The following ALMS1 variants were observed in gnomAD, a reference collection of about 807,000 sequenced individuals.
ALMS1 encodes the protein ALMS1 centrosome and basal body associated protein, also known as centrosome-associated protein ALMS1.
A neutral mutation model predicts 352.2 loss-of-function variants in ALMS1; 271 were observed. The observed-to-expected ratio is 0.77, with a 90% CI of 0.70 to 0.85. The LOEUF is 0.85. ALMS1 is among the 40% of genes least tolerant of loss of function. The pLI is 0.00. For missense variants in ALMS1, 5,445 were observed against 4,870.7 expected (o/e 1.12, Z -3.51); for synonymous variants, 1,865 against 1,761.2 (o/e 1.06, Z -1.48).
At chr2:73,598,178 C>T in intron 16 of ALMS1, among the ~76,000 whole-genome samples, 1 of 152,068 alleles carries the variant, frequency 6.6e-6, no homozygotes, top group East Asian at 1.9e-4. Flanking sequence ...TCCATCTTGC[C>T]CTCAAAGATG....
At chr2:73,607,431 C>G (rs761622766) in intron 21 of ALMS1, among the ~76,000 whole-genome samples, 4 of 152,130 alleles carry the variant, frequency 2.6e-5, no homozygotes, top group Non-Finnish European at 4.4e-5. Flanking sequence ...CCAACCCCTG[C>G]TAGAACAGAT....
intron 9 of ALMS1, among the ~76,000 whole-genome samples, chr2:73,460,328 G>C (rs1353125750): frequency 3.9e-5 from 6 of 152,046 alleles, no homozygotes; most frequent in Admixed American, 1.3e-4. Flanking sequence ...GATACCTTCA[G>C]TGTGCTGAAA....
intron 9 of ALMS1, among the ~76,000 whole-genome samples, chr2:73,481,685 G>A (rs370555212): frequency 1.9e-4 from 29 of 150,954 alleles, no homozygotes; most frequent in Admixed American, 2.7e-4. Context: ...CCATTTTCAC[G>A]ATATTGATTC....
chr2:73,473,275 T>C (rs1390067917), intron 9 of ALMS1, among the ~76,000 whole-genome samples: 1 of 151,876 alleles, frequency 6.6e-6, no homozygotes, highest in Non-Finnish European at 1.5e-5. Flanking sequence ...TCCTATTACC[T>C]TTTTTCTTTC....
intron 11 of ALMS1, among the ~76,000 whole-genome samples, chr2:73,533,708 G>T (rs1327977885): frequency 6.6e-6 from 1 of 151,972 alleles, no homozygotes; most frequent in Non-Finnish European, 1.5e-5. Flanking sequence ...AGAAAAACTA[G>T]TATATAGAAA....
intron 10 of ALMS1, among the ~76,000 whole-genome samples, chr2:73,504,039 TTTTTTC>T (rs1229697620): frequency 2.6e-5 from 4 of 152,194 alleles, no homozygotes; most frequent in Admixed American, 6.5e-5. Context: ...AATTTCTACC[TTTTTTC>T]TTTTTAACTT....
At chr2:73,539,488 G>T (rs553124616) in intron 12 of ALMS1, among the ~76,000 whole-genome samples, 1 of 152,168 alleles carries the variant, frequency 6.6e-6, no homozygotes, top group South Asian at 2.1e-4. Context: ...CCAAAGGAAC[G>T]TAGCTCCTCA....
Position 73,455,053 on chromosome 2 carries a change from G to A in ALMS1, c.7541-109G>A. 4 of 1,197,952 alleles carry A rather than the reference G, an allele frequency of 3.3e-6. No homozygotes were observed. The South Asian group carries it at 3.7e-5, about 11-fold the overall frequency. The allele number at this position is 1,197,952 out of a possible 1,614,324, so 74.2% of individuals were successfully genotyped here. A position where few individuals can be genotyped will look rare whatever the true frequency, so the allele number is the denominator to read the frequency against. ...CATAATTGAGAAGAAGACATACTAA[G>A]CATTGCAGTGGGTATTAAATTGCAT... On this transcript the variant is annotated intron_variant, in intron 8 of 22. Transcript: ENST00000613296.
At chr2:73,506,897 T>C (rs1223087325) in intron 10 of ALMS1, among the ~76,000 whole-genome samples, 1 of 152,248 alleles carries the variant, frequency 6.6e-6, no homozygotes, top group African/African-American at 2.4e-5. Context: ...CCATTCAGTA[T>C]GATATTGGCT....
At chr2:73,512,638 T>C (rs1318285978) in intron 10 of ALMS1, among the ~76,000 whole-genome samples, 2 of 152,186 alleles carry the variant, frequency 1.3e-5, no homozygotes, top group African/African-American at 2.4e-5. Context: ...AATTTTTACA[T>C]TGTACAAAAC....
chr2:73,443,697 G>A (rs1671759139), intron 7 of ALMS1, among the ~76,000 whole-genome samples: 1 of 152,088 alleles, frequency 6.6e-6, no homozygotes, highest in Non-Finnish European at 1.5e-5. Context: ...ATAAATATCT[G>A]TTGAATGACT....
chr2:73,538,428 A>G (rs1425979883), intron 12 of ALMS1, among the ~76,000 whole-genome samples: 1 of 152,188 alleles, frequency 6.6e-6, no homozygotes, highest in African/African-American at 2.4e-5. Flanking sequence ...CCGAATAGGA[A>G]GAGCTCCAGT....
intron 10 of ALMS1, among the ~76,000 whole-genome samples, chr2:73,493,100 A>C (rs1286238406): frequency 6.6e-6 from 1 of 152,182 alleles, no homozygotes; most frequent in Non-Finnish European, 1.5e-5. Flanking sequence ...GAATGAGAAG[A>C]AAGTAATAGA....
chr2:73,573,397 T>G lies in ALMS1; in HGVS notation c.11520T>G (p.Ser3840=). 1 of 1,614,080 alleles carries G rather than the reference T, an allele frequency of 6.2e-7. No individual in the cohort carries two copies. Among genetic ancestry groups the G allele is most frequent in the Non-Finnish European group, 8.5e-7 (1 of 1,180,002 alleles). The change falls in exon 16 of 23, where the codon TCT becomes TCG. Residue 3840 remains serine, a synonymous_variant. Coordinates refer to ENST00000613296, the MANE Select transcript of ALMS1 (RefSeq NM_001378454.1). ...ATACAGGTCATCCCCTAGTGACTTC[T>G]GAGCACACCAGAAGGAGACACATCC... ...VLNTGHPLVT[S]EHTRRRHIQV...
Position 73,448,659 on chromosome 2 carries a change from TACTCTCTACTCCCC to T in ALMS1, c.2137_2150del (p.Ser713ThrfsTer2). The T allele has an allele frequency of 6.2e-7, 1 of 1,613,832 alleles. No homozygotes were observed. The highest frequency in any genetic ancestry group is 8.5e-7 in the Non-Finnish European group (1 of 1,179,892). On this transcript the variant is annotated frameshift_variant, in exon 8 of 23. Transcript: ENST00000613296. LOFTEE classifies it high-confidence loss of function. The stretch of plus-strand genomic sequence containing the variant: ...GACCAGAAGACTGGGACAGCAACAG[TACTCTCTACTCCCC>T]ACTCACATAGAGAGAAGCCTGGTAT...
At chr2:73,506,925 A>G (rs1673339873) in intron 10 of ALMS1, among the ~76,000 whole-genome samples, 1 of 152,186 alleles carries the variant, frequency 6.6e-6, no homozygotes, top group African/African-American at 2.4e-5. Flanking sequence ...TGTCACAAAT[A>G]GCTCTTATTT....
At chr2:73,550,542 C>T in intron 13 of ALMS1, 105 bp downstream of exon 13, 1 of 1,426,992 alleles carries the variant, frequency 7.0e-7, no homozygotes, top group Non-Finnish European at 9.7e-7. Flanking sequence ...GTTATACAAG[C>T]TTTTCTCCTT....
intron 9 of ALMS1, among the ~76,000 whole-genome samples, chr2:73,483,502 C>T (rs1672759113): frequency 6.6e-6 from 1 of 151,584 alleles, no homozygotes; most frequent in South Asian, 2.1e-4. Context: ...AGTATGTGGT[C>T]AATTTTGGAA....
Position 73,573,010 on chromosome 2 carries a change from T to G in ALMS1, c.11133T>G (p.Ile3711Met). 2.5e-6 allele frequency: 4 copies of G among 1,614,050 alleles called. No homozygotes were observed. The highest frequency in any genetic ancestry group is 2.5e-6 in the Non-Finnish European group (3 of 1,179,986). ...CTGGGAGGTCTAATCAAATTAAAAT[T>G]GAACAGATTAAATTTGATAAATATA... The part of the protein sequence containing the change: ...HRAGRSNQIK[I>M]EQIKFDKYIL... Residue 3711 changes from isoleucine to methionine, a missense_variant, in exon 16 of 23, where the codon ATT (isoleucine) becomes ATG (methionine). By Grantham distance (10) the Ile-to-Met change is conservative (BLOSUM62 1). Coordinates refer to ENST00000613296, the MANE Select transcript of ALMS1 (RefSeq NM_001378454.1).
Sources: allele counts gnomAD v4.1 joint callset (sites outside exome capture counted in the v4.1 genomes callset), GRCh38; gene constraint gnomAD v4.1.1; transcripts MANE v1.5; gene names NCBI Gene and HGNC (gene_info 2026-07-23, HGNC 2026-07-21).